PKHD1: variants seen among roughly 807,000 people sequenced by gnomAD.
PKHD1 encodes the protein fibrocystin.
Under a neutral mutation model 412.0 loss-of-function variants are expected in PKHD1, and 291 were observed. The observed-to-expected ratio is 0.71, with a 90% CI of 0.64 to 0.78. The LOEUF (loss-of-function observed/expected upper bound fraction) is 0.78, where lower values mean the gene tolerates loss of function less well. Among genes scored for constraint, PKHD1 ranks in the 30% least tolerant of loss-of-function variants. The pLI, the probability that PKHD1 is intolerant of heterozygous loss-of-function variation, is 0.00. For missense variants in PKHD1, 4,825 were observed against 4,950.7 expected (o/e 0.97, Z 0.76); for synonymous variants, 1,777 against 1,821.5 (o/e 0.98, Z 0.62).
intron 35 of PKHD1, among the ~76,000 whole-genome samples, chr6:51,966,074 CTTATG>C (rs1318932721): frequency 6.6e-6 from 1 of 152,102 alleles, no homozygotes; most frequent in African/African-American, 2.4e-5. Context: ...ATCACTAATC[CTTATG>C]TAAACCCTGA....
At chr6:51,903,922 T>C (rs1781683982) in intron 42 of PKHD1, 64 bp downstream of exon 42, 2 of 1,143,874 alleles carry the variant, frequency 1.7e-6, no homozygotes, top group Non-Finnish European at 2.6e-6. Context: ...ATCAGGCTTG[T>C]CTATAAAATA....
chr6:51,661,194 CACT>C (rs1271557325), intron 60 of PKHD1, among the ~76,000 whole-genome samples: 1 of 152,042 alleles, frequency 6.6e-6, no homozygotes, highest in African/African-American at 2.4e-5. Context: ...AGTCTCCTAG[CACT>C]ACTGATTTTA....
At chr6:51,975,104 T>C (rs1356691124) in intron 35 of PKHD1, among the ~76,000 whole-genome samples, 1 of 152,010 alleles carries the variant, frequency 6.6e-6, no homozygotes, top group Non-Finnish European at 1.5e-5. Context: ...ATAAAATTAA[T>C]GAAGCTTCAT....
At chr6:51,910,002 G>C (rs1481535587) in intron 39 of PKHD1, among the ~76,000 whole-genome samples, 1 of 152,116 alleles carries the variant, frequency 6.6e-6, no homozygotes, top group Admixed American at 6.6e-5. Context: ...AGCAGCTCCT[G>C]CACCAACACC....
chr6:51,801,608 C>T lies in PKHD1; in HGVS notation c.8303-10235G>A, dbSNP rs111727370. Among the ~76,000 whole-genome samples the T allele has an allele frequency of 4.2e-3, 554 of 131,846 alleles. 7 individuals carry two copies. The highest frequency in any genetic ancestry group is 0.014 in the African/African-American group (519 of 36,594). The allele number at this position is 131,846 out of a possible 152,430, so 86.5% of individuals were successfully genotyped here. ...TCAAGACTAAAAGCCAGTTTCCTGA[C>T]ACCCTGAAGAAAAACCATCTGCTGG... On this transcript the variant is annotated intron_variant, in intron 52 of 66. Transcript: ENST00000371117.
At chr6:51,761,967 C>G (rs1788090845) in intron 55 of PKHD1, among the ~76,000 whole-genome samples, 1 of 152,014 alleles carries the variant, frequency 6.6e-6, no homozygotes, top group Admixed American at 6.6e-5. Context: ...TTTGACTCTT[C>G]TCTTTCTCTT....
At chr6:51,827,020 A>G (rs76486747) in intron 52 of PKHD1, among the ~76,000 whole-genome samples, 5,539 of 152,266 alleles carry the variant, frequency 0.036, 171 homozygotes, top group Middle Eastern at 0.11. Flanking sequence ...ATGAATTAAA[A>G]TACACAAAAC....
intron 48 of PKHD1, among the ~76,000 whole-genome samples, chr6:51,861,290 A>G (rs1774149585): frequency 6.6e-6 from 1 of 152,268 alleles, no homozygotes; most frequent in Non-Finnish European, 1.5e-5. Context: ...GGCAATCAAT[A>G]ATACCAATGA....
intron 35 of PKHD1, among the ~76,000 whole-genome samples, chr6:52,009,292 G>A (rs12211974): frequency 0.02 from 3,052 of 152,212 alleles, 48 homozygotes; most frequent in South Asian, 0.047. Context: ...AGGTAGGCAC[G>A]GAACAGTTTA....
intron 36 of PKHD1, among the ~76,000 whole-genome samples, chr6:51,959,040 T>C (rs557145497): frequency 1.8e-4 from 28 of 152,292 alleles, no homozygotes; most frequent in African/African-American, 6.5e-4. Context: ...CATTAGTTTA[T>C]CCTCTTTAAA....
At chr6:51,884,878 GT>G (rs1777962585) in intron 45 of PKHD1, among the ~76,000 whole-genome samples, 1 of 152,042 alleles carries the variant, frequency 6.6e-6, no homozygotes, top group Non-Finnish European at 1.5e-5. Flanking sequence ...TATATTTATA[GT>G]GCTCATGGGA....
rs368935307 is a variant in PKHD1, at chr6:51,911,901, C to G, written c.6388G>C (p.Ala2130Pro). ...WVAGEHHILK[A>P]TVALLSRSIT... is the part of the protein sequence containing the mutation. ...CTCCTGCTGAGCAGAGCCACAGTGG[C>G]CTTTAAAATATGGTGCTCTCCAGCC... Residue 2130 changes from alanine (A) to proline (P), a missense_variant, in exon 39 of 67, where the codon GCC (alanine) becomes CCC (proline). Coordinates refer to ENST00000371117, the MANE Select transcript of PKHD1 (RefSeq NM_138694.4). 5.6e-6 allele frequency: 9 copies of G among 1,611,432 alleles called. No individual in the cohort carries two copies. Among genetic ancestry groups the G allele is most frequent in the Middle Eastern group, 1.6e-4 (1 of 6,078 alleles).
intron 55 of PKHD1, among the ~76,000 whole-genome samples, chr6:51,765,108 A>G (rs1193033302): frequency 6.6e-6 from 1 of 151,970 alleles, no homozygotes; most frequent in Non-Finnish European, 1.5e-5. Flanking sequence ...CAGTCTTCCC[A>G]ACTCAGTGCG....
rs1165886285 is a variant in PKHD1, at chr6:51,898,372, A to G, written c.6996+5225T>C. On this transcript the variant is annotated intron_variant, in intron 43 of 66. Transcript: ENST00000371117. The stretch of plus-strand genomic sequence containing the variant: ...AGGATTAAGAATCTCACTCAAAACC[A>G]CTCAACTACATGGAAACTGAACAAC... 4.4e-4 allele frequency among the ~76,000 whole-genome samples: 65 copies of G among 148,358 alleles called. 1 individual carries two copies. Among genetic ancestry groups the G allele is most frequent in the Non-Finnish European group, 7.9e-4 (53 of 66,814 alleles).
intron 60 of PKHD1, chr6:51,722,072 T>A: frequency 1.2e-6 from 2 of 1,613,194 alleles, no homozygotes; most frequent in Non-Finnish European, 8.5e-7. Context: ...TCCAAAAATA[T>A]GTCTCCACCC....
chr6:51,834,825 T>C (rs1768906820), intron 51 of PKHD1, among the ~76,000 whole-genome samples: 1 of 152,320 alleles, frequency 6.6e-6, no homozygotes, highest in East Asian at 1.9e-4. Context: ...TTAATATAAC[T>C]CATAAATTAA....
Position 52,024,656 on chromosome 6 carries a change from G to T in PKHD1, c.5154C>A (p.Gly1718=). 1 of 1,614,154 alleles carries T rather than the reference G, an allele frequency of 6.2e-7. No homozygotes were observed. Among genetic ancestry groups the T allele is most frequent in the Non-Finnish European group, 8.5e-7 (1 of 1,179,990 alleles). ...AGGCCCACCCTCTGATGCAGTCATA[G>T]CCTCTGACGTGGTACTCCCCGGCCG... is the stretch of plus-strand genomic sequence containing the variant. The part of the protein sequence containing the change: ...SLPAGEYHVR[G]YDCIRGWASS... The change falls in exon 32 of 67, where the codon GGC becomes GGA. Residue 1718 remains glycine (G), a synonymous_variant. Coordinates refer to ENST00000371117, the MANE Select transcript of PKHD1 (RefSeq NM_138694.4).
In PKHD1 at chr6:51,632,711, G is replaced by A; in HGVS notation, c.11519C>T (p.Thr3840Ile). 6.2e-7 allele frequency: 1 copy of A among 1,613,156 alleles called. No homozygotes were observed. Residue 3840 changes from threonine (T) to isoleucine (I), a missense_variant, in exon 65 of 67, where the codon ACA becomes ATA. Coordinates refer to ENST00000371117, the MANE Select transcript of PKHD1 (RefSeq NM_138694.4). ...TVTSPPGVNF[T>I]ARSKPFAVLP... ...GACAGCAAATGGCTTGGATCGAGCT[G>A]TAAAATTGACTCCTGTGGCGGGGAA...
rs771702541 is a variant in PKHD1, at chr6:52,025,533, G to A, written c.4277C>T (p.Ser1426Leu). The change falls in exon 32 of 67, where the codon TCG becomes TTG. Residue 1426 changes from serine to leucine, a missense_variant. Ser to Leu is a moderately radical substitution (Grantham distance 145). Coordinates refer to ENST00000371117, the MANE Select transcript of PKHD1 (RefSeq NM_138694.4). ...CAAAATCACACAAGTAAAAGGACCC[G>A]AGAGGTCAACCCGAACTGACCTCCT... ...SRRRSVRVDL[S>L]GPFTCVILSL... 16 of 1,613,968 alleles carry A rather than the reference G, an allele frequency of 9.9e-6. No homozygotes were observed. Among genetic ancestry groups the A allele is most frequent in the African/African-American group, 2.7e-5 (2 of 74,898 alleles).
Sources: gnomAD v4.1 joint callset for allele counts (sites outside exome capture counted in the v4.1 genomes callset) on GRCh38, gnomAD v4.1.1 for gene constraint, MANE v1.5 for transcripts, NCBI Gene and HGNC (gene_info 2026-07-23, HGNC 2026-07-21) for gene names.